HS3ST5: variants seen among roughly 807,000 people sequenced by gnomAD.
HS3ST5 encodes heparan sulfate glucosamine 3-O-sulfotransferase 5.
In HS3ST5, 10 loss-of-function variants were observed where a neutral mutation model predicts 25.4. That is an observed-to-expected ratio of 0.39 (90% CI 0.24 to 0.67). The LOEUF is 0.67. Ranked by LOEUF, HS3ST5 falls within the 30% of genes least tolerant of loss-of-function variation. HS3ST5 has a pLI of 0.44. For synonymous variants in HS3ST5, 170 were observed against 162.4 expected, an observed-to-expected ratio of 1.05 and a Z score of -0.36; for missense variants, 324 against 420.7, an observed-to-expected ratio of 0.77 and a Z score of 2.01.
intron 1 of HS3ST5, among the ~76,000 whole-genome samples, chr6:114,319,076 T>C (rs922904144): frequency 2.0e-5 from 3 of 152,198 alleles, no homozygotes; most frequent in African/African-American, 7.2e-5. Context: ...TTTATCTAGA[T>C]ATATAAATTA....
intron 1 of HS3ST5, among the ~76,000 whole-genome samples, chr6:114,284,209 T>C (rs1219364716): frequency 1.3e-5 from 2 of 152,160 alleles, no homozygotes; most frequent in East Asian, 3.9e-4. Context: ...AGTTTAATAC[T>C]AAGTCTATTT....
intron 3 of HS3ST5, among the ~76,000 whole-genome samples, chr6:114,127,435 T>C (rs1381507117): frequency 6.6e-6 from 1 of 152,130 alleles, no homozygotes; most frequent in Non-Finnish European, 1.5e-5. Flanking sequence ...TCAAGAGTGA[T>C]ACAAATTTCT....
chr6:114,093,545 T>A (rs1775255224), intron 3 of HS3ST5, among the ~76,000 whole-genome samples: 2 of 152,088 alleles, frequency 1.3e-5, no homozygotes. Context: ...TCCAACCTTC[T>A]GGCTCTGCCA....
chr6:114,303,976 G>A (rs1480913085), intron 1 of HS3ST5, among the ~76,000 whole-genome samples: 3 of 152,140 alleles, frequency 2.0e-5, no homozygotes. Context: ...GTAGTGGTGT[G>A]ATTCCATGTG....
intron 3 of HS3ST5, among the ~76,000 whole-genome samples, chr6:114,125,801 T>C (rs1297759848): frequency 6.6e-6 from 1 of 152,214 alleles, no homozygotes; most frequent in Non-Finnish European, 1.5e-5. Context: ...CCTGCTGACT[T>C]CTTGTCAACA....
chr6:114,298,631 C>T (rs1745580), intron 1 of HS3ST5, among the ~76,000 whole-genome samples: 98,287 of 152,008 alleles, frequency 0.65, 32,117 homozygotes, highest in African/African-American at 0.69. Context: ...TCCTATGTTG[C>T]GGGAAGGCAG....
chr6:114,141,070 A>G (rs1777879425), intron 3 of HS3ST5, among the ~76,000 whole-genome samples: 1 of 152,202 alleles, frequency 6.6e-6, no homozygotes. Flanking sequence ...TGCATTATAC[A>G]TACTTTAAAT....
chr6:114,167,083 T>C (rs925611708), intron 3 of HS3ST5, among the ~76,000 whole-genome samples: 1 of 152,202 alleles, frequency 6.6e-6, no homozygotes, highest in Non-Finnish European at 1.5e-5. Flanking sequence ...ATTCCTGGGC[T>C]CAAGCCATTC....
At chr6:114,167,952 A>C (rs1779294263) in intron 3 of HS3ST5, among the ~76,000 whole-genome samples, 1 of 152,180 alleles carries the variant, frequency 6.6e-6, no homozygotes, top group Non-Finnish European at 1.5e-5. Context: ...GTAGTTGGGA[A>C]AGATATTTCA....
At position 114,256,281 on chromosome 6, in the gene HS3ST5, G is replaced by A. The variant is rs112715365; in HGVS notation, c.-338-27503C>T. Among the ~76,000 whole-genome samples, 996 of 151,856 alleles carry A rather than the reference G, an allele frequency of 6.6e-3. 3 individuals are homozygous for A. Among genetic ancestry groups the A allele is most frequent in the African/African-American group, 0.011 (467 of 41,446 alleles). ...TGGGCGCCTGTAGTCCCAGCTACCC[G>A]GGAGGCTGAGGCAGGAGAATGGCGT... On this transcript the variant is annotated intron_variant, in intron 1 of 4. Coordinates refer to ENST00000312719, the MANE Select transcript of HS3ST5 (RefSeq NM_153612.4).
intron 1 of HS3ST5, among the ~76,000 whole-genome samples, chr6:114,292,932 T>G (rs1355659756): frequency 6.6e-6 from 1 of 151,808 alleles, no homozygotes; most frequent in Non-Finnish European, 1.5e-5. Context: ...GTATTGCTAT[T>G]TTTTGTTTTT....
At position 114,058,139 on chromosome 6, in the gene HS3ST5, CTGAGTG is replaced by C; in HGVS notation, c.153_158del (p.Thr52_Gln53del). ...GCAGGGCGCGAAGTGGGAATTCAGC[CTGAGTG>C]CGGGCTCCACCCAGTCGACCTTCAA... On this transcript the variant is annotated inframe_deletion, in exon 5 of 5. Transcript: ENST00000312719. The C allele has an allele frequency of 1.2e-6, 2 of 1,613,406 alleles. No individual in the cohort carries two copies. The highest frequency in any genetic ancestry group is 1.7e-6 in the Non-Finnish European group (2 of 1,179,462).
intron 1 of HS3ST5, among the ~76,000 whole-genome samples, chr6:114,304,908 CAT>C (rs1285154429): frequency 1.3e-5 from 2 of 152,056 alleles, no homozygotes; most frequent in Admixed American, 1.3e-4. Flanking sequence ...CTCACATAGA[CAT>C]AGAGTTGAAA....
At chr6:114,207,529 G>A (rs900164337) in intron 2 of HS3ST5, among the ~76,000 whole-genome samples, 3 of 152,108 alleles carry the variant, frequency 2.0e-5, no homozygotes, top group African/African-American at 7.2e-5. Context: ...CAGTCATGGT[G>A]AAGAAGGCTC....
chr6:114,059,273 C>T (rs547577221), intron 4 of HS3ST5: 1 of 152,250 alleles, frequency 6.6e-6, no homozygotes, highest in Admixed American at 6.5e-5. Flanking sequence ...GCATTTTAGC[C>T]TTCTTGGTAA....
chr6:114,074,748 T>C (rs1031443849), intron 3 of HS3ST5, among the ~76,000 whole-genome samples: 4 of 152,124 alleles, frequency 2.6e-5, no homozygotes, highest in African/African-American at 9.7e-5. Context: ...TTAAGTAACA[T>C]TGATAGCAAA....
intron 3 of HS3ST5, among the ~76,000 whole-genome samples, chr6:114,099,803 G>C (rs1267836419): frequency 6.6e-6 from 1 of 152,094 alleles, no homozygotes; most frequent in Non-Finnish European, 1.5e-5. Context: ...AGCTGAATCA[G>C]GAGTGCAGCC....
intron 1 of HS3ST5, among the ~76,000 whole-genome samples, chr6:114,307,563 T>C (rs1427193818): frequency 6.6e-6 from 1 of 152,044 alleles, no homozygotes; most frequent in Non-Finnish European, 1.5e-5. Context: ...TAAAAAATAA[T>C]TTTGATATTG....
chr6:114,218,303 A>T (rs1012524604), intron 2 of HS3ST5, among the ~76,000 whole-genome samples: 2 of 152,140 alleles, frequency 1.3e-5, no homozygotes, highest in African/African-American at 4.8e-5. Flanking sequence ...CGGTCTACAT[A>T]CAAATTTAAA....
Sources: gnomAD v4.1 joint callset for allele counts (sites outside exome capture counted in the v4.1 genomes callset) on GRCh38, gnomAD v4.1.1 for gene constraint, MANE v1.5 for transcripts, NCBI Gene and HGNC (gene_info 2026-07-23, HGNC 2026-07-21) for gene names.